COL25A1: variants seen among roughly 807,000 people sequenced by gnomAD.
COL25A1 encodes the protein collagen alpha-1(XXV) chain.
A neutral mutation model predicts 128.4 loss-of-function variants in COL25A1; 103 were observed. That is an observed-to-expected ratio of 0.80 (90% CI 0.68 to 0.94). The LOEUF (loss-of-function observed/expected upper bound fraction) is 0.94. Ranked by LOEUF, COL25A1 falls within the 40% of genes least tolerant of loss-of-function variation. The pLI, the probability that COL25A1 is intolerant of heterozygous loss-of-function variation, is 0.00. For synonymous variants in COL25A1, 279 were observed against 277.2 expected, an observed-to-expected ratio of 1.01 and a Z score of -0.06; for missense variants, 745 against 840.0, an observed-to-expected ratio of 0.89 and a Z score of 1.40.
Position 108,940,687 on chromosome 4 carries a change from G to A in COL25A1, c.565-41C>T, listed in dbSNP as rs202027624. Reference sequence around the variant, plus strand: ...GAACAGACCAGCAATAACCATGAAAGATAAAGACCCAGGTCTTCTTTTCAG... The same window carrying A: ...GAACAGACCAGCAATAACCATGAAAAATAAAGACCCAGGTCTTCTTTTCAG... On this transcript the variant is annotated intron_variant, in intron 9 of 37. Coordinates refer to ENST00000399132, the MANE Select transcript of COL25A1 (RefSeq NM_198721.4). The A allele has an allele frequency of 9.6e-5, 128 of 1,328,518 alleles. No homozygotes were observed. The African/African-American group carries it at 1.6e-3, about 17-fold the overall frequency. The allele number at this position is 1,328,518 out of a possible 1,614,324, so 82.3% of individuals were successfully genotyped here. A position where few individuals can be genotyped will look rare whatever the true frequency, so the allele number is the denominator to read the frequency against.
chr4:108,884,386 T>C (rs1296902411), intron 18 of COL25A1, among the ~76,000 whole-genome samples, 164 bp from the exon 19 acceptor site: 4 of 152,228 alleles, frequency 2.6e-5, no homozygotes, highest in Non-Finnish European at 2.9e-5. Context: ...CAGTCAACTC[T>C]TGATTTAGAA....
intron 3 of COL25A1, among the ~76,000 whole-genome samples, chr4:109,180,537 A>G (rs1326861767): frequency 6.6e-5 from 10 of 152,162 alleles, no homozygotes; most frequent in Admixed American, 2.0e-4. Context: ...AATTAAATGA[A>G]TTACTGGATA....
intron 4 of COL25A1, among the ~76,000 whole-genome samples, chr4:109,049,765 A>C (rs3108924): frequency 0.5 from 75,712 of 151,976 alleles, 20,633 homozygotes; most frequent in African/African-American, 0.71. Context: ...CAAAGGACCT[A>C]CATTGACTGA....
At chr4:109,005,349 C>A (rs1323914379) in intron 6 of COL25A1, among the ~76,000 whole-genome samples, 1 of 152,122 alleles carries the variant, frequency 6.6e-6, no homozygotes, top group African/African-American at 2.4e-5. Context: ...CAATCACCTC[C>A]CATCAGGCCA....
At chr4:109,063,099 T>TAAATACATAATAAATAA (rs1762112864) in intron 3 of COL25A1, among the ~76,000 whole-genome samples, 1 of 152,250 alleles carries the variant, frequency 6.6e-6, no homozygotes, top group Non-Finnish European at 1.5e-5. Context: ...AGAACAATGT[T>TAAATACATAATAAATAA]AGCCAATACA....
intron 3 of COL25A1, among the ~76,000 whole-genome samples, chr4:109,118,212 T>C (rs1046454830): frequency 6.6e-6 from 1 of 151,880 alleles, no homozygotes; most frequent in Non-Finnish European, 1.5e-5. Flanking sequence ...AAAGTATTAA[T>C]AGAGAAAGGG....
At chr4:109,136,270 G>A (rs190130545) in intron 3 of COL25A1, among the ~76,000 whole-genome samples, 4 of 152,074 alleles carry the variant, frequency 2.6e-5, no homozygotes, top group South Asian at 2.1e-4. Flanking sequence ...GTGGTGGCAC[G>A]TGCCTGTAGT....
chr4:108,859,434 G>A (rs1394357067), intron 24 of COL25A1, among the ~76,000 whole-genome samples: 2 of 152,156 alleles, frequency 1.3e-5, no homozygotes, highest in Non-Finnish European at 2.9e-5. Context: ...ATATCTGAAG[G>A]TGGAAGGGAA....
At chr4:108,984,198 C>T (rs1753386132) in intron 6 of COL25A1, among the ~76,000 whole-genome samples, 1 of 152,210 alleles carries the variant, frequency 6.6e-6, no homozygotes. Context: ...GACCTAGACA[C>T]AGGGTGCTGA....
intron 3 of COL25A1, among the ~76,000 whole-genome samples, chr4:109,090,060 G>A (rs1399771273): frequency 6.6e-6 from 1 of 151,772 alleles, no homozygotes; most frequent in African/African-American, 2.4e-5. Flanking sequence ...AGAATATAGT[G>A]CATATATAAT....
chr4:109,198,294 T>TCACACA (rs112993547), intron 3 of COL25A1, among the ~76,000 whole-genome samples: 18,500 of 143,878 alleles, frequency 0.13, 1,217 homozygotes, highest in Non-Finnish European at 0.14. Context: ...GCATATTCAT[T>TCACACA]CACACACACA....
At chr4:108,934,196 A>T (rs1578811700) in intron 11 of COL25A1, among the ~76,000 whole-genome samples, 1 of 152,164 alleles carries the variant, frequency 6.6e-6, no homozygotes, top group East Asian at 1.9e-4. Flanking sequence ...GACATGGATG[A>T]AGCTGGAAAC....
intron 35 of COL25A1, 25 bp downstream of exon 35, chr4:108,824,149 G>GT: frequency 6.2e-7 from 1 of 1,613,960 alleles, no homozygotes; most frequent in Non-Finnish European, 8.5e-7. Context: ...ATCAAACAAG[G>GT]TACATGCTGG....
intron 3 of COL25A1, among the ~76,000 whole-genome samples, chr4:109,094,375 C>T (rs1765214543): frequency 6.6e-6 from 1 of 152,180 alleles, no homozygotes; most frequent in South Asian, 2.1e-4. Flanking sequence ...GCTTGGCAGA[C>T]ACTTAGCCCC....
rs568637645 is a variant in COL25A1, at chr4:109,033,461, C to T, written c.420+14707G>A. ...CACAGTCATGTTGCGATAGCAGGAA[C>T]AGTGAAAGGCAGTCCCCATCAGAGG... On this transcript the variant is annotated intron_variant, in intron 5 of 37. Coordinates refer to ENST00000399132, the MANE Select transcript of COL25A1 (RefSeq NM_198721.4). Among the ~76,000 whole-genome samples the T allele has an allele frequency of 4.6e-5, 7 of 152,262 alleles. No homozygotes were observed. The East Asian group carries it at 1.4e-3, about 29-fold the overall frequency.
intron 8 of COL25A1, among the ~76,000 whole-genome samples, chr4:108,966,708 G>A (rs1181890664): frequency 6.6e-6 from 1 of 151,856 alleles, no homozygotes; most frequent in Non-Finnish European, 1.5e-5. Flanking sequence ...AAAAATAGCT[G>A]GGCATGGTAG....
At chr4:109,255,359 A>C (rs544893181) in intron 3 of COL25A1, among the ~76,000 whole-genome samples, 2 of 152,308 alleles carry the variant, frequency 1.3e-5, no homozygotes, top group African/African-American at 4.8e-5. Flanking sequence ...TGCTAAAACA[A>C]ACCCAGACCC....
chr4:108,846,493 G>T (rs1247224448), intron 27 of COL25A1, among the ~76,000 whole-genome samples: 2 of 152,136 alleles, frequency 1.3e-5, no homozygotes, highest in East Asian at 3.8e-4. Flanking sequence ...TCCTGATTTT[G>T]TATTTTTACC....
chr4:109,153,937 G>GT (rs1771782938), intron 3 of COL25A1, among the ~76,000 whole-genome samples: 1 of 152,192 alleles, frequency 6.6e-6, no homozygotes, highest in Non-Finnish European at 1.5e-5. Flanking sequence ...AGCACACAGG[G>GT]TTTGAGGGGG....
Sources: gnomAD v4.1 joint callset for allele counts (sites outside exome capture counted in the v4.1 genomes callset) on GRCh38, gnomAD v4.1.1 for gene constraint, MANE v1.5 for transcripts, NCBI Gene and HGNC (gene_info 2026-07-23, HGNC 2026-07-21) for gene names.